PRKAR1B: variants seen among roughly 807,000 people sequenced by gnomAD.
The protein encoded by PRKAR1B is protein kinase cAMP-dependent type I regulatory subunit beta, also known as cAMP-dependent protein kinase type I-beta regulatory subunit.
In PRKAR1B, 22 loss-of-function variants were observed where a neutral mutation model predicts 46.5. The ratio of observed to expected loss-of-function variants is 0.47; its 90% confidence interval spans 0.34 to 0.68. The LOEUF (loss-of-function observed/expected upper bound fraction) is 0.68. PRKAR1B is among the 30% of genes least tolerant of loss of function. PRKAR1B has a pLI of 0.01. For missense variants in PRKAR1B, 445 were observed against 535.6 expected (o/e 0.83, Z 1.67); for synonymous variants, 259 against 217.7 (o/e 1.19, Z -1.67).
intron 2 of PRKAR1B, among the ~76,000 whole-genome samples, chr7:707,919 G>A (rs1325924021): frequency 1.3e-5 from 2 of 151,162 alleles, no homozygotes; most frequent in Admixed American, 6.6e-5. Context: ...CTGGAGCCGG[G>A]GGAGACACAG....
At chr7:591,481 C>T (rs1304694418) in intron 7 of PRKAR1B, among the ~76,000 whole-genome samples, 2 of 152,202 alleles carry the variant, frequency 1.3e-5, no homozygotes, top group African/African-American at 2.4e-5. Context: ...TCGGGGGGCA[C>T]GGGGCCTGGG....
rs145075088 is a variant in PRKAR1B, at chr7:668,069, C to T, written c.440+9160G>A. Reference sequence around the variant, plus strand: ...ACACAGCCTGTGATGATGGGGATATCTGTCTTGAACCTGAACTTGTACGGA... The same window carrying T: ...ACACAGCCTGTGATGATGGGGATATTTGTCTTGAACCTGAACTTGTACGGA... On this transcript the variant is annotated intron_variant, in intron 4 of 10. Transcript: ENST00000537384. Among the ~76,000 whole-genome samples the T allele has an allele frequency of 2.0e-3, 305 of 152,336 alleles. 4 individuals are homozygous for T. The highest frequency in any genetic ancestry group is 6.8e-3 in the African/African-American group (284 of 41,576).
At chr7:614,240 C>G (rs894111277) in intron 4 of PRKAR1B, among the ~76,000 whole-genome samples, 8 of 152,374 alleles carry the variant, frequency 5.3e-5, no homozygotes, top group African/African-American at 1.4e-4. Flanking sequence ...ACAAAACACT[C>G]AGCAGCATAT....
At position 721,319 on chromosome 7, in the gene PRKAR1B, A is replaced by G. The variant is rs183453695; in HGVS notation, c.-23+5891T>C. Among the ~76,000 whole-genome samples, 606 of 152,276 alleles carry G rather than the reference A, an allele frequency of 4.0e-3. 8 individuals carry two copies. Among genetic ancestry groups the G allele is most frequent in the African/African-American group, 0.014 (577 of 41,548 alleles). ...CTATTTTTATCCAGTCCATTGTCTC[A>G]ACTTTCTGGAGGCCCCAGCCCTCTT... On this transcript the variant is annotated intron_variant, in intron 1 of 10. Coordinates refer to ENST00000537384, the MANE Select transcript of PRKAR1B (RefSeq NM_001164760.2).
intron 4 of PRKAR1B, among the ~76,000 whole-genome samples, chr7:669,889 G>A (rs1429235477): frequency 2.6e-5 from 3 of 113,530 alleles, no homozygotes; most frequent in East Asian, 2.8e-4. Context: ...TTTTTGAGAC[G>A]GAGTCTTGCT....
intron 4 of PRKAR1B, among the ~76,000 whole-genome samples, chr7:673,518 G>A (rs79795124): frequency 0.092 from 13,989 of 151,700 alleles, 827 homozygotes; most frequent in South Asian, 0.21. Context: ...GCATGGTGGC[G>A]GGCGCCTGTA....
intron 4 of PRKAR1B, among the ~76,000 whole-genome samples, chr7:639,522 A>G (rs1199943870): frequency 6.6e-6 from 1 of 152,204 alleles, no homozygotes; most frequent in Non-Finnish European, 1.5e-5. Flanking sequence ...TGAAGCAAAG[A>G]GATTTTAGAT....
chr7:652,059 G>A (rs1784929506), intron 4 of PRKAR1B, among the ~76,000 whole-genome samples: 1 of 113,068 alleles, frequency 8.8e-6, no homozygotes, highest in Non-Finnish European at 1.8e-5. Context: ...CTAGGAACCT[G>A]GGGAAACCCC....
At chr7:619,467 T>C (rs1461201153) in intron 4 of PRKAR1B, among the ~76,000 whole-genome samples, 3 of 152,160 alleles carry the variant, frequency 2.0e-5, no homozygotes, top group Non-Finnish European at 4.4e-5. Flanking sequence ...CACATACAAG[T>C]GGGAGCAGGA....
At chr7:554,963 G>A (rs1338470663) in intron 9 of PRKAR1B, among the ~76,000 whole-genome samples, 1 of 152,212 alleles carries the variant, frequency 6.6e-6, no homozygotes, top group Non-Finnish European at 1.5e-5. Flanking sequence ...GAGGTGCAAG[G>A]TCCTCAATCA....
intron 2 of PRKAR1B, among the ~76,000 whole-genome samples, chr7:697,794 C>T (rs570873458): frequency 1.9e-4 from 29 of 150,714 alleles, no homozygotes; most frequent in Non-Finnish European, 3.7e-4. Flanking sequence ...GGAAGAGAAA[C>T]GCAGGTCTTC....
intron 4 of PRKAR1B, among the ~76,000 whole-genome samples, chr7:654,786 C>T (rs546199757): frequency 6.6e-6 from 1 of 152,262 alleles, no homozygotes; most frequent in Admixed American, 6.5e-5. Flanking sequence ...ATCTTCATCA[C>T]CATCACTATC....
intron 9 of PRKAR1B, among the ~76,000 whole-genome samples, chr7:575,093 G>T (rs1393781774): frequency 6.6e-6 from 1 of 152,238 alleles, no homozygotes; most frequent in Non-Finnish European, 1.5e-5. Context: ...ACAATTTGTT[G>T]TTACCCTTCA....
intron 4 of PRKAR1B, among the ~76,000 whole-genome samples, chr7:613,684 G>A (rs1322444020): frequency 2.6e-5 from 4 of 152,138 alleles, no homozygotes; most frequent in Non-Finnish European, 5.9e-5. Context: ...AGGGCCCACC[G>A]ACCAACACGG....
chr7:588,705 A>ATGG (rs1312106138), intron 7 of PRKAR1B, among the ~76,000 whole-genome samples: 1 of 90,794 alleles, frequency 1.1e-5, no homozygotes, highest in African/African-American at 4.4e-5. Context: ...GGTGATGGTG[A>ATGG]TGGTGATGGT....
chr7:708,347 G>A (rs1202992202), intron 2 of PRKAR1B, among the ~76,000 whole-genome samples: 4 of 152,174 alleles, frequency 2.6e-5, no homozygotes, highest in Admixed American at 6.5e-5. Flanking sequence ...CCCGGTGTGT[G>A]GTACAGTCAT....
chr7:555,321 T>G (rs939489954), intron 9 of PRKAR1B, among the ~76,000 whole-genome samples: 11 of 152,014 alleles, frequency 7.2e-5, no homozygotes, highest in African/African-American at 2.7e-4. Context: ...CACACCACAC[T>G]TTGTCACTAG....
At chr7:591,444 G>A (rs1020568868) in intron 7 of PRKAR1B, among the ~76,000 whole-genome samples, 9 of 152,208 alleles carry the variant, frequency 5.9e-5, no homozygotes, top group African/African-American at 1.7e-4. Context: ...TCTTAACACC[G>A]GTCCCACCCA....
intron 4 of PRKAR1B, among the ~76,000 whole-genome samples, chr7:631,760 T>A (rs1783756314): frequency 6.6e-6 from 1 of 151,588 alleles, no homozygotes. Flanking sequence ...CAGACCAGCC[T>A]GGCCAACATA....
Sources: allele counts gnomAD v4.1 joint callset (sites outside exome capture counted in the v4.1 genomes callset), GRCh38; gene constraint gnomAD v4.1.1; transcripts MANE v1.5; gene names NCBI Gene and HGNC (gene_info 2026-07-23, HGNC 2026-07-21).